Variants in PARD3 observed in about 807,000 individuals in gnomAD.
The protein encoded by PARD3 is par-3 family cell polarity regulator, also known as partitioning defective 3 homolog.
In PARD3, 75 loss-of-function variants were observed where a neutral mutation model predicts 155.4. The ratio of observed to expected loss-of-function variants is 0.48; its 90% CI spans 0.40 to 0.58. The LOEUF is 0.58. Ranked by LOEUF, PARD3 falls within the 20% of genes least tolerant of loss-of-function variation. The pLI, the probability that PARD3 is intolerant of heterozygous loss-of-function variation, is 0.00. For missense variants in PARD3, 1,642 were observed against 1,721.7 expected, an observed-to-expected ratio of 0.95 and a Z score of 0.82; for synonymous variants, 576 against 610.5, an observed-to-expected ratio of 0.94 and a Z score of 0.83.
chr10:34,407,757 C>T (rs912151551), intron 5 of PARD3, among the ~76,000 whole-genome samples: 1 of 151,804 alleles, frequency 6.6e-6, no homozygotes, highest in Non-Finnish European at 1.5e-5. Flanking sequence ...CACTTGAGCC[C>T]AGGGAGTTCA....
At chr10:34,606,005 ATATATCTCCTATATC>A (rs2090379815) in intron 2 of PARD3, among the ~76,000 whole-genome samples, 1 of 74,330 alleles carries the variant, frequency 1.3e-5, no homozygotes, top group Admixed American at 1.6e-4. Flanking sequence ...TCCTATATAT[ATATATCTCCTATATC>A]TATATCTCCT....
At chr10:34,145,213 A>AT (rs1564429829) in intron 22 of PARD3, among the ~76,000 whole-genome samples, 5 of 64,030 alleles carry the variant, frequency 7.8e-5, no homozygotes, top group East Asian at 3.4e-4. Context: ...ATATATATAT[A>AT]TATATATATT....
rs375818350 is a variant in PARD3, at chr10:34,597,900, T to G, written c.223-80741A>C. Among the ~76,000 whole-genome samples the G allele has an allele frequency of 1.5e-4, 23 of 152,314 alleles. No homozygotes were observed. The East Asian group carries it at 3.7e-3, about 24-fold the overall frequency. ...ATCTGCTGTTGAAAGAAAAGCGGATTCTGATTTTTGCCACTGGGTGTCAAT... is the reference window on the plus strand; with the variant it reads ...ATCTGCTGTTGAAAGAAAAGCGGATGCTGATTTTTGCCACTGGGTGTCAAT... On this transcript the variant is annotated intron_variant, in intron 2 of 24. Coordinates refer to ENST00000374788, the MANE Select transcript of PARD3 (RefSeq NM_001184785.2).
intron 22 of PARD3, among the ~76,000 whole-genome samples, chr10:34,201,633 AC>A (rs1448951350): frequency 6.6e-6 from 1 of 152,156 alleles, no homozygotes; most frequent in African/African-American, 2.4e-5. Context: ...AGTAAAATGG[AC>A]TTTTTTTGTG....
At chr10:34,647,721 T>C (rs983737271) in intron 2 of PARD3, among the ~76,000 whole-genome samples, 1 of 152,228 alleles carries the variant, frequency 6.6e-6, no homozygotes, top group Non-Finnish European at 1.5e-5. Context: ...CAAGCAAACA[T>C]AAAGCTTCCC....
chr10:34,156,515 TA>T (rs1160453197), intron 22 of PARD3, among the ~76,000 whole-genome samples: 1 of 152,204 alleles, frequency 6.6e-6, no homozygotes, highest in African/African-American at 2.4e-5. Flanking sequence ...GTATAATTTT[TA>T]AGTTTTTTAA....
chr10:34,666,057 AAAATT>A (rs897048979), intron 2 of PARD3, among the ~76,000 whole-genome samples: 8 of 151,664 alleles, frequency 5.3e-5, no homozygotes, highest in Non-Finnish European at 1.2e-4. Flanking sequence ...TACCAAAAAA[AAAATT>A]AAATTAAATT....
chr10:34,157,024 G>GT (rs1949041613), intron 22 of PARD3, among the ~76,000 whole-genome samples: 1 of 152,176 alleles, frequency 6.6e-6, no homozygotes, highest in Non-Finnish European at 1.5e-5. Context: ...CATGATTATT[G>GT]TATGAGAAGA....
At chr10:34,119,961 A>C (rs1055373649) in intron 23 of PARD3, among the ~76,000 whole-genome samples, 3 of 147,606 alleles carry the variant, frequency 2.0e-5, no homozygotes, top group Admixed American at 1.4e-4. Flanking sequence ...TGGCTTTGGC[A>C]TGTGGTTTAA....
At chr10:34,673,764 GAGAC>G (rs10647039) in intron 2 of PARD3, among the ~76,000 whole-genome samples, 4 of 152,128 alleles carry the variant, frequency 2.6e-5, no homozygotes, top group Admixed American at 6.5e-5. Flanking sequence ...AAAAGATATC[GAGAC>G]AGACAGACAG....
chr10:34,357,912 T>C (rs1361006481), intron 14 of PARD3, among the ~76,000 whole-genome samples: 1 of 152,214 alleles, frequency 6.6e-6, no homozygotes, highest in African/African-American at 2.4e-5. Context: ...TAAAATATGC[T>C]TGTATCATAG....
chr10:34,807,324 C>T (rs1477461614), intron 1 of PARD3, among the ~76,000 whole-genome samples: 5 of 152,304 alleles, frequency 3.3e-5, no homozygotes, highest in South Asian at 4.1e-4. Flanking sequence ...CTACAAAATA[C>T]CTAAAAATGG....
intron 1 of PARD3, among the ~76,000 whole-genome samples, chr10:34,753,836 G>A (rs1178267285): frequency 6.6e-6 from 1 of 152,134 alleles, no homozygotes; most frequent in Non-Finnish European, 1.5e-5. Context: ...CCATCTCAAA[G>A]TATGCAGGGA....
At chr10:34,236,516 T>TA (rs1953244240) in intron 22 of PARD3, among the ~76,000 whole-genome samples, 1 of 152,180 alleles carries the variant, frequency 6.6e-6, no homozygotes, top group Non-Finnish European at 1.5e-5. Flanking sequence ...ATTATAAAAA[T>TA]ATTCTTTTCC....
intron 5 of PARD3, among the ~76,000 whole-genome samples, chr10:34,432,404 C>T (rs1302345907): frequency 6.7e-6 from 1 of 150,242 alleles, no homozygotes; most frequent in Non-Finnish European, 1.5e-5. Flanking sequence ...TATATAGTAC[C>T]TGGCACTAGG....
rs149248026 is a variant in PARD3, at chr10:34,387,216, GT to G, written c.891-2963del. 9.0e-3 allele frequency among the ~76,000 whole-genome samples: 1,375 copies of G among 152,206 alleles called. 18 individuals are homozygous for G. Among genetic ancestry groups the G allele is most frequent in the African/African-American group, 0.032 (1,308 of 41,506 alleles). ...AATGTAAGTGACTAACAATTAGTAT[GT>G]TTTTATGTATTATATTTTGTGTAAT... On this transcript the variant is annotated intron_variant, in intron 7 of 24. Transcript: ENST00000374788.
chr10:34,430,992 C>T (rs1423397070), intron 5 of PARD3, among the ~76,000 whole-genome samples: 1 of 152,222 alleles, frequency 6.6e-6, no homozygotes, highest in Non-Finnish European at 1.5e-5. Flanking sequence ...AGATCATTAA[C>T]TGAAATAAAT....
At chr10:34,814,841 C>A in intron 1 of PARD3, 35 bp downstream of exon 1, 1 of 1,183,668 alleles carries the variant, frequency 8.4e-7, no homozygotes, top group Non-Finnish European at 1.2e-6. Context: ...GTCCCCGCCG[C>A]CGCCCCCTCC....
chr10:34,781,548 T>C (rs1307522617), intron 1 of PARD3, among the ~76,000 whole-genome samples: 1 of 152,232 alleles, frequency 6.6e-6, no homozygotes, highest in Admixed American at 6.5e-5. Context: ...AAGGTTAGTA[T>C]GGTTCTGTAT....
Sources: allele counts gnomAD v4.1 joint callset (sites outside exome capture counted in the v4.1 genomes callset), GRCh38; gene constraint gnomAD v4.1.1; transcripts MANE v1.5; gene names NCBI Gene and HGNC (gene_info 2026-07-23, HGNC 2026-07-21).